Variants in LRP1B observed in about 807,000 individuals in gnomAD.
The protein encoded by LRP1B is LDL receptor related protein 1B, also known as low-density lipoprotein receptor-related protein 1B.
A neutral mutation model predicts 556.6 loss-of-function variants in LRP1B; 217 were observed. That is an observed-to-expected ratio of 0.39 (90% confidence interval 0.35 to 0.44). The LOEUF (loss-of-function observed/expected upper bound fraction) is 0.44, where lower values mean the gene tolerates loss of function less well. LRP1B is among the 20% of genes least tolerant of loss of function. The pLI is 1.00. For synonymous variants in LRP1B, 2,047 were observed against 1,865.8 expected (o/e 1.10, Z -2.50); for missense variants, 5,053 against 5,620.8 (o/e 0.90, Z 3.23).
intron 2 of LRP1B, among the ~76,000 whole-genome samples, chr2:141,789,579 A>G (rs7603173): frequency 0.6 from 91,609 of 151,594 alleles, 28,600 homozygotes; most frequent in African/African-American, 0.77. Context: ...AAACACACCA[A>G]CTTTCCTTTA....
chr2:140,761,445 G>C (rs551733963), intron 35 of LRP1B, among the ~76,000 whole-genome samples: 193 of 152,244 alleles, frequency 1.3e-3, no homozygotes, highest in African/African-American at 4.6e-3. Context: ...CTAGTTAGTA[G>C]CTTCTAATAA....
At chr2:141,536,752 A>G (rs1685082702) in intron 2 of LRP1B, among the ~76,000 whole-genome samples, 1 of 152,068 alleles carries the variant, frequency 6.6e-6, no homozygotes, top group Admixed American at 6.6e-5. Flanking sequence ...TTGATTTAAG[A>G]GATAAATTGA....
chr2:141,932,010 G>T (rs1700521736), intron 1 of LRP1B, among the ~76,000 whole-genome samples: 1 of 152,000 alleles, frequency 6.6e-6, no homozygotes, highest in South Asian at 2.1e-4. Context: ...TTTGTCCTTG[G>T]AGAGATAACT....
At chr2:140,709,958 C>G (rs1444190189) in intron 37 of LRP1B, among the ~76,000 whole-genome samples, 1 of 151,820 alleles carries the variant, frequency 6.6e-6, no homozygotes, top group Non-Finnish European at 1.5e-5. Context: ...TAAATATTTC[C>G]TAGAAACAAG....
intron 62 of LRP1B, among the ~76,000 whole-genome samples, chr2:140,451,934 T>A (rs1451172905): frequency 1.3e-5 from 2 of 152,124 alleles, no homozygotes; most frequent in Non-Finnish European, 2.9e-5. Context: ...CAAAAAGTCA[T>A]GAGAAAGGTA....
At chr2:141,331,779 T>A (rs1000579539) in intron 3 of LRP1B, among the ~76,000 whole-genome samples, 3 of 152,042 alleles carry the variant, frequency 2.0e-5, no homozygotes, top group South Asian at 2.1e-4. Flanking sequence ...TATAAATAAA[T>A]CTGAGCAAAT....
chr2:141,113,780 G>C (rs1167226112), intron 7 of LRP1B, among the ~76,000 whole-genome samples: 2 of 151,946 alleles, frequency 1.3e-5, no homozygotes, highest in African/African-American at 4.8e-5. Flanking sequence ...TCCCCAACTT[G>C]AAAGAAGTCA....
chr2:140,758,765 G>A (rs1688822852), intron 35 of LRP1B, among the ~76,000 whole-genome samples: 1 of 151,716 alleles, frequency 6.6e-6, no homozygotes, highest in South Asian at 2.1e-4. Flanking sequence ...AATAATATTA[G>A]GAGAGAGGAG....
intron 41 of LRP1B, among the ~76,000 whole-genome samples, chr2:140,677,589 T>C (rs574575729): frequency 1.1e-4 from 17 of 151,974 alleles, no homozygotes; most frequent in Admixed American, 9.2e-4. Flanking sequence ...TAGCCAACAT[T>C]AGGCCAGTGA....
chr2:141,953,014 A>T (rs987892698), intron 1 of LRP1B, among the ~76,000 whole-genome samples: 1 of 152,106 alleles, frequency 6.6e-6, no homozygotes, highest in Admixed American at 6.6e-5. Flanking sequence ...TAGCAATTTC[A>T]TGGAAAGAAA....
intron 83 of LRP1B, among the ~76,000 whole-genome samples, chr2:140,304,172 C>A (rs1436324320): frequency 6.6e-6 from 1 of 152,134 alleles, no homozygotes; most frequent in Non-Finnish European, 1.5e-5. Context: ...TGGGTATATA[C>A]CCAGTAATGG....
In LRP1B at chr2:142,003,648, T is replaced by A. The variant is rs991603369; in HGVS notation, c.82+127000A>T. 2.6e-5 allele frequency among the ~76,000 whole-genome samples: 4 copies of A among 152,126 alleles called. No homozygotes were observed. In the East Asian group the frequency reaches 7.7e-4, roughly 29 times the overall value. On this transcript the variant is annotated intron_variant, in intron 1 of 90. Coordinates refer to ENST00000389484, the MANE Select transcript of LRP1B (RefSeq NM_018557.3). Reference sequence around the variant, plus strand: ...ACAATAGATAGCCATGGCAGAGTAATGAAATGCAGGCAGGGTGGAATGGAA... The same window carrying A: ...ACAATAGATAGCCATGGCAGAGTAAAGAAATGCAGGCAGGGTGGAATGGAA...
intron 3 of LRP1B, among the ~76,000 whole-genome samples, chr2:141,400,855 C>A (rs759105366): frequency 3.9e-5 from 6 of 152,162 alleles, no homozygotes. Context: ...AATTCTATAG[C>A]CTGGCATCTA....
At chr2:140,881,728 C>T (rs765417195) in intron 25 of LRP1B, among the ~76,000 whole-genome samples, 19 of 152,158 alleles carry the variant, frequency 1.2e-4, no homozygotes, top group Admixed American at 6.6e-5. Flanking sequence ...TGGAAGGTAT[C>T]AACTCCCCCA....
chr2:140,349,081 C>T (rs1371026912), intron 77 of LRP1B, among the ~76,000 whole-genome samples: 1 of 152,060 alleles, frequency 6.6e-6, no homozygotes, highest in Non-Finnish European at 1.5e-5. Flanking sequence ...TGACAGGGTG[C>T]AGAGCTCAGC....
At chr2:141,363,013 A>AT (rs1466534351) in intron 3 of LRP1B, among the ~76,000 whole-genome samples, 1 of 152,080 alleles carries the variant, frequency 6.6e-6, no homozygotes, top group Admixed American at 6.6e-5. Flanking sequence ...AAATATCTTT[A>AT]TTTTTTATTG....
chr2:140,587,274 G>T (rs1682023685), intron 43 of LRP1B, among the ~76,000 whole-genome samples: 1 of 152,128 alleles, frequency 6.6e-6, no homozygotes, highest in Admixed American at 6.5e-5. Flanking sequence ...AGAGGAGAAA[G>T]CGTGGGGCTA....
chr2:141,596,252 GA>G (rs571971239), intron 2 of LRP1B, among the ~76,000 whole-genome samples: 12 of 151,884 alleles, frequency 7.9e-5, no homozygotes, highest in African/African-American at 2.4e-4. Flanking sequence ...AATTAAGAAT[GA>G]AAAAAATGTT....
intron 2 of LRP1B, among the ~76,000 whole-genome samples, chr2:141,544,355 CT>C (rs1225373617): frequency 1.1e-4 from 11 of 95,966 alleles, no homozygotes; most frequent in African/African-American, 3.2e-4. Context: ...TCTTCTTCTT[CT>C]TCTTCTTCTT....
Sources: allele counts gnomAD v4.1 joint callset (sites outside exome capture counted in the v4.1 genomes callset), GRCh38; gene constraint gnomAD v4.1.1; transcripts MANE v1.5; gene names NCBI Gene and HGNC (gene_info 2026-07-23, HGNC 2026-07-21).